Variants in RAB11A observed in about 807,000 individuals in gnomAD.
The protein encoded by RAB11A is ras-related protein Rab-11A.
In RAB11A, 9 loss-of-function variants were observed where a neutral mutation model predicts 28.0. The observed-to-expected ratio is 0.32, with a 90% CI of 0.19 to 0.56. The LOEUF (loss-of-function observed/expected upper bound fraction) is 0.56. Among genes scored for constraint, RAB11A ranks in the 20% least tolerant of loss-of-function variants. The pLI is 0.91. For synonymous variants in RAB11A, 85 were observed against 88.2 expected, an observed-to-expected ratio of 0.96 and a Z score of 0.20; for missense variants, 108 against 269.6, an observed-to-expected ratio of 0.40 and a Z score of 4.20.
In RAB11A at chr15:65,889,516, G is replaced by A. The variant is rs2078274566; in HGVS notation, c.*1676G>A. On this transcript the variant is annotated 3_prime_UTR_variant, in exon 5 of 5. Transcript: ENST00000261890. ...GCTTTGGGTGCAGCCGTGGAATCCT[G>A]ATGTAAAAGCATAGGTTCTTGCATT... The A allele has an allele frequency of 6.6e-6, 1 of 152,134 alleles. No individual in the cohort carries two copies. Among genetic ancestry groups the A allele is most frequent in the Admixed American group, 6.5e-5 (1 of 15,270 alleles). The allele number at this position is 152,134 out of a possible 1,614,324, so 9.4% of individuals were successfully genotyped here.
At chr15:65,886,146 G>T (rs2078254459) in intron 4 of RAB11A, among the ~76,000 whole-genome samples, 1 of 152,118 alleles carries the variant, frequency 6.6e-6, no homozygotes, top group South Asian at 2.1e-4. Flanking sequence ...GAGACCTTGA[G>T]GCTTCTTTAG....
At chr15:65,875,799 AG>A (rs1304208954) in intron 1 of RAB11A, among the ~76,000 whole-genome samples, 15 of 152,316 alleles carry the variant, frequency 9.8e-5, no homozygotes, top group African/African-American at 3.6e-4. Flanking sequence ...GAATGCAGTG[AG>A]CTCTCAGTTT....
chr15:65,883,635 G>A (rs1445274785), intron 4 of RAB11A, among the ~76,000 whole-genome samples: 1 of 151,880 alleles, frequency 6.6e-6, no homozygotes, highest in African/African-American at 2.4e-5. Context: ...TGCCAGGCAA[G>A]ACTCTGCCTC....
chr15:65,875,390 G>T (rs1158806671), intron 1 of RAB11A, among the ~76,000 whole-genome samples: 1 of 151,890 alleles, frequency 6.6e-6, no homozygotes, highest in Non-Finnish European at 1.5e-5. Flanking sequence ...ATTAATAATA[G>T]ACTATTAACT....
chr15:65,887,290 C>T (rs1198763154), intron 4 of RAB11A, among the ~76,000 whole-genome samples: 1 of 152,068 alleles, frequency 6.6e-6, no homozygotes, highest in African/African-American at 2.4e-5. Flanking sequence ...TCTCCTGCCT[C>T]AGCCTCCCGA....
At chr15:65,884,087 A>C (rs765506345) in intron 4 of RAB11A, among the ~76,000 whole-genome samples, 1 of 152,100 alleles carries the variant, frequency 6.6e-6, no homozygotes, top group Admixed American at 6.6e-5. Flanking sequence ...CAGTGGTTCA[A>C]ATGTGAAGAG....
At position 65,869,501 on chromosome 15, in the gene RAB11A, C is replaced by G. The variant is rs577327021; in HGVS notation, c.-85C>G. 27 of 1,537,484 alleles carry G rather than the reference C, an allele frequency of 1.8e-5. No individual in the cohort carries two copies. Among genetic ancestry groups the G allele is most frequent in the Non-Finnish European group, 2.4e-5 (27 of 1,140,116 alleles). On this transcript the variant is annotated 5_prime_UTR_variant, in exon 1 of 5. Transcript: ENST00000261890. ...TTCACCCAGTCCGGCAGTTGAAGCT[C>G]GGCGCTCGGGTTACCCCTGCAGCGA...
In RAB11A at chr15:65,891,744, A is replaced by T. The variant is rs1292167692; in HGVS notation, c.*3904A>T. 3.3e-5 allele frequency: 5 copies of T among 152,200 alleles called. No homozygotes were observed. The highest frequency in any genetic ancestry group is 3.3e-4 in the Admixed American group (5 of 15,276). 9.4% of individuals were successfully genotyped at this position (152,200 alleles called of 1,614,324 possible). ...ATAACCTGATTAAAATGGTGCCTTT[A>T]TTTCCATGTTTACTCCTTTAAATAA... On this transcript the variant is annotated 3_prime_UTR_variant, in exon 5 of 5. Coordinates refer to ENST00000261890, the MANE Select transcript of RAB11A (RefSeq NM_004663.5).
intron 4 of RAB11A, among the ~76,000 whole-genome samples, chr15:65,885,780 G>A (rs1001497788): frequency 3.3e-5 from 5 of 152,214 alleles, no homozygotes; most frequent in Admixed American, 6.5e-5. Flanking sequence ...AAAGGCATAC[G>A]AAATTTATTA....
At position 65,887,598 on chromosome 15, in the gene RAB11A, T is replaced by G. The variant is rs1596793485; in HGVS notation, c.512-103T>G. On this transcript the variant is annotated intron_variant, in intron 4 of 4. Transcript: ENST00000261890. ...TTTATGTATTCTCTGTTCAGTTTCC[T>G]TAGGGACTTTGATGCAAATATATCT... 3 of 1,159,474 alleles carry G rather than the reference T, an allele frequency of 2.6e-6. No individual in the cohort carries two copies. In the East Asian group the frequency reaches 8.2e-5, roughly 32 times the overall value. 71.8% of individuals were successfully genotyped at this position (1,159,474 alleles called of 1,614,324 possible). A position where few individuals can be genotyped will look rare whatever the true frequency, so the allele number is the denominator to read the frequency against.
Position 65,888,653 on chromosome 15 carries a change from T to A in RAB11A, c.*813T>A, listed in dbSNP as rs1289928428. 1 of 152,608 alleles carries A rather than the reference T, an allele frequency of 6.6e-6. No individual in the cohort carries two copies. The highest frequency in any genetic ancestry group is 2.4e-5 in the African/African-American group (1 of 41,448). 9.5% of individuals were successfully genotyped at this position (152,608 alleles called of 1,614,324 possible). On this transcript the variant is annotated 3_prime_UTR_variant, in exon 5 of 5. Transcript: ENST00000261890. ...TTCCAAGCGGTAGATTATGTGGCAT[T>A]TTATTGCTCAGGCAATAATTGGTTT...
chr15:65,873,118 G>A (rs1267663067), intron 1 of RAB11A, among the ~76,000 whole-genome samples: 1 of 152,182 alleles, frequency 6.6e-6, no homozygotes, highest in Non-Finnish European at 1.5e-5. Flanking sequence ...CTTTATTTAA[G>A]CCCAATAGTG....
chr15:65,883,009 AT>A (rs1461370789), intron 4 of RAB11A, among the ~76,000 whole-genome samples: 1 of 151,996 alleles, frequency 6.6e-6, no homozygotes, highest in African/African-American at 2.4e-5. Context: ...ATATATACAT[AT>A]TTTTTCGGCA....
intron 1 of RAB11A, among the ~76,000 whole-genome samples, chr15:65,873,371 G>A (rs2078174894): frequency 6.6e-6 from 1 of 152,076 alleles, no homozygotes; most frequent in Admixed American, 6.5e-5. Context: ...TCACATTGGA[G>A]GTCAGTAGTA....
Position 65,869,529 on chromosome 15 carries a change from C to T in RAB11A, c.-57C>T, listed in dbSNP as rs1227146668. 1.9e-6 allele frequency: 3 copies of T among 1,592,450 alleles called. No homozygotes were observed. Among genetic ancestry groups the T allele is most frequent in the Admixed American group, 1.7e-5 (1 of 58,732 alleles). On this transcript the variant is annotated 5_prime_UTR_variant, in exon 1 of 5. Transcript: ENST00000261890. ...CGCTCGGGTTACCCCTGCAGCGACGCCCCCTGGTCCCACAGATACCACTGC... is the reference window on the plus strand; with the variant it reads ...CGCTCGGGTTACCCCTGCAGCGACGTCCCCTGGTCCCACAGATACCACTGC...
At chr15:65,879,781 T>C in intron 4 of RAB11A, 30 bp downstream of exon 4, 4 of 1,471,958 alleles carry the variant, frequency 2.7e-6, no homozygotes, top group Non-Finnish European at 3.8e-6. Flanking sequence ...ATTACACCAG[T>C]AGGACTAGAA....
chr15:65,881,937 C>T (rs1396498285), intron 4 of RAB11A, among the ~76,000 whole-genome samples: 1 of 149,870 alleles, frequency 6.7e-6, no homozygotes, highest in Admixed American at 6.6e-5. Flanking sequence ...AGTGTGTGCG[C>T]CTGTAGTCCC....
At chr15:65,875,867 A>T (rs2414891) in intron 1 of RAB11A, among the ~76,000 whole-genome samples, 1 of 151,926 alleles carries the variant, frequency 6.6e-6, no homozygotes. Flanking sequence ...GAATGGTCTT[A>T]CTCCTTGGCC....
At position 65,891,489 on chromosome 15, in the gene RAB11A, A is replaced by T. The variant is rs2078295969; in HGVS notation, c.*3649A>T. On this transcript the variant is annotated 3_prime_UTR_variant, in exon 5 of 5. Coordinates refer to ENST00000261890, the MANE Select transcript of RAB11A (RefSeq NM_004663.5). ...CTGGACTGAGTAACGAAGAGATTCT[A>T]GTCATGGCTCTTGTGGTCATTTCAT... 1 of 152,250 alleles carries T rather than the reference A, an allele frequency of 6.6e-6. No homozygotes were observed. The highest frequency in any genetic ancestry group is 6.5e-5 in the Admixed American group (1 of 15,288). The allele number at this position is 152,250 out of a possible 1,614,324, so 9.4% of individuals were successfully genotyped here.
Sources: allele counts gnomAD v4.1 joint callset (sites outside exome capture counted in the v4.1 genomes callset), GRCh38; gene constraint gnomAD v4.1.1; transcripts MANE v1.5; gene names NCBI Gene and HGNC (gene_info 2026-07-23, HGNC 2026-07-21).